The following MARCHF7 variants were observed in gnomAD, a reference collection of about 807,000 sequenced individuals.
MARCHF7 encodes the protein E3 ubiquitin-protein ligase MARCHF7.
In MARCHF7, 20 loss-of-function variants were observed where a neutral mutation model predicts 76.5. The ratio of observed to expected loss-of-function variants is 0.26; its 90% CI spans 0.18 to 0.38. MARCHF7 has a LOEUF of 0.38. Ranked by LOEUF, MARCHF7 falls within the 10% of genes least tolerant of loss-of-function variation. The pLI is 1.00. For missense variants in MARCHF7, 797 were observed against 812.9 expected (o/e 0.98, Z 0.24); for synonymous variants, 295 against 293.0 (o/e 1.01, Z -0.07).
At position 159,767,474 on chromosome 2, in the gene MARCHF7, CAT is replaced by C; in HGVS notation, c.*133_*134del. On this transcript the variant is annotated 3_prime_UTR_variant, in exon 12 of 12. Transcript: ENST00000409175. ...TATATAAAATGAATATATACATACA[CAT>C]GTATGCCTGTATATATATATTCATT... The C allele has an allele frequency of 1.7e-6, 1 of 580,592 alleles. No individual in the cohort carries two copies. The highest frequency in any genetic ancestry group is 1.9e-5 in the African/African-American group (1 of 52,052). The allele number at this position is 580,592 out of a possible 1,614,324, so 36.0% of individuals were successfully genotyped here.
intron 3 of MARCHF7, among the ~76,000 whole-genome samples, chr2:159,722,230 G>T (rs774975331): frequency 2.0e-5 from 3 of 151,882 alleles, no homozygotes; most frequent in Non-Finnish European, 2.9e-5. Flanking sequence ...TCCACCTCCC[G>T]GGCTTCAAGT....
In MARCHF7 at chr2:159,747,888, T is replaced by G; in HGVS notation, c.598T>G (p.Ser200Ala). The change falls in exon 7 of 12, where the codon TCC (serine) becomes GCC (alanine). Residue 200 changes from serine (S) to alanine (A), a missense_variant. Coordinates refer to ENST00000409175, the MANE Select transcript of MARCHF7 (RefSeq NM_001282805.2). ...GAGCACTTTACAGTTGAATACATCA[T>G]CCACAAACCACCAATTGCCTTCTGA... ...SMSTLQLNTS[S>A]TNHQLPSEHQ... 1 of 1,614,126 alleles carries G rather than the reference T, an allele frequency of 6.2e-7. No homozygotes were observed. Among genetic ancestry groups the G allele is most frequent in the Non-Finnish European group, 8.5e-7 (1 of 1,180,006 alleles).
At chr2:159,739,206 CA>C (rs1165755371) in intron 4 of MARCHF7, among the ~76,000 whole-genome samples, 1 of 152,230 alleles carries the variant, frequency 6.6e-6, no homozygotes, top group Admixed American at 6.5e-5. Flanking sequence ...CCCACCCCAC[CA>C]ACTTGGAAGT....
chr2:159,752,360 G>T (rs754480061), intron 7 of MARCHF7, 42 bp from the exon 8 acceptor site: 2 of 1,491,126 alleles, frequency 1.3e-6, no homozygotes, highest in Admixed American at 2.4e-5. Flanking sequence ...AACCAACCAG[G>T]ATGAGTTATG....
intron 9 of MARCHF7, 96 bp from the exon 10 acceptor site, chr2:159,762,784 C>T: frequency 3.7e-6 from 2 of 544,486 alleles, no homozygotes; most frequent in South Asian, 3.4e-5. Flanking sequence ...AATACATTTC[C>T]TCTAGTTTAT....
chr2:159,751,033 A>AT (rs1457346749), intron 7 of MARCHF7, among the ~76,000 whole-genome samples: 1 of 151,892 alleles, frequency 6.6e-6, no homozygotes, highest in East Asian at 1.9e-4. Context: ...TAAACTTGCT[A>AT]TTTTTCCTTT....
At chr2:159,743,720 T>C (rs1395138493) in intron 5 of MARCHF7, among the ~76,000 whole-genome samples, 1 of 126,328 alleles carries the variant, frequency 7.9e-6, no homozygotes, top group Non-Finnish European at 1.6e-5. Context: ...GACAACATAG[T>C]GAGACCCTGT....
In MARCHF7 at chr2:159,752,507, A is replaced by G. The variant is rs141395092; in HGVS notation, c.1719A>G (p.Thr573=). The G allele has an allele frequency of 1.2e-6, 2 of 1,603,050 alleles. No individual in the cohort carries two copies. The highest frequency in any genetic ancestry group is 1.7e-6 in the Non-Finnish European group (2 of 1,175,520). Residue 573 remains threonine (T), a synonymous_variant, in exon 8 of 12, where the codon ACA becomes ACG. Coordinates refer to ENST00000409175, the MANE Select transcript of MARCHF7 (RefSeq NM_001282805.2). The stretch of plus-strand genomic sequence containing the variant: ...TGCTGATAGAGCCATGCAAGTGCAC[A>G]GGAAGTTTGCAGTATGTCCACCAAG... The part of the protein sequence containing the change: ...SNLLIEPCKC[T]GSLQYVHQDC...
At chr2:159,742,936 C>CA (rs67868976) in intron 4 of MARCHF7, 125 bp from the exon 5 acceptor site, 15,465 of 754,704 alleles carry the variant, frequency 0.02, no homozygotes, top group East Asian at 0.026. Flanking sequence ...GACTCAGTCT[C>CA]AAAAAAAAAA....
intron 11 of MARCHF7, among the ~76,000 whole-genome samples, chr2:159,765,772 C>T (rs998838063): frequency 2.0e-5 from 3 of 152,006 alleles, no homozygotes; most frequent in Non-Finnish European, 4.4e-5. Context: ...GAGATGAAAC[C>T]AGGTAACATA....
intron 4 of MARCHF7, chr2:159,733,560 A>AT (rs927602119): frequency 2.0e-6 from 2 of 984,770 alleles, no homozygotes; most frequent in African/African-American, 3.5e-5. Context: ...AAAAAAAAAA[A>AT]AAAAAGATTG....
At position 159,764,260 on chromosome 2, in the gene MARCHF7, G is replaced by GCA. The variant is rs1560030979; in HGVS notation, c.2008-365_2008-364insAC. Among the ~76,000 whole-genome samples the GCA allele has an allele frequency of 2.7e-5, 4 of 147,628 alleles. No individual in the cohort carries two copies. In the East Asian group the frequency reaches 6.0e-4, roughly 22 times the overall value. The stretch of plus-strand genomic sequence containing the variant: ...TGTGTGTGTGTGTGTGTGTGTGCGC[G>GCA]CGCCCACTGAAACTGAATTTATTTG... On this transcript the variant is annotated intron_variant, in intron 10 of 11. Transcript: ENST00000409175.
chr2:159,726,048 C>T (rs1702121772), intron 3 of MARCHF7, among the ~76,000 whole-genome samples: 1 of 152,110 alleles, frequency 6.6e-6, no homozygotes, highest in African/African-American at 2.4e-5. Flanking sequence ...ATACTGACCC[C>T]ATGCCTAAAC....
chr2:159,761,524 C>T (rs1177618822), intron 9 of MARCHF7, among the ~76,000 whole-genome samples: 1 of 141,750 alleles, frequency 7.1e-6, no homozygotes, highest in Non-Finnish European at 1.5e-5. Context: ...AAGCGATTCT[C>T]CTGCCTCAGC....
At chr2:159,756,917 G>A (rs114388032) in intron 8 of MARCHF7, among the ~76,000 whole-genome samples, 9,555 of 140,728 alleles carry the variant, frequency 0.068, 389 homozygotes, top group Non-Finnish European at 0.097. Context: ...TTTTTGAGAC[G>A]GAGTCTTGTT....
chr2:159,717,834 CTATT>C (rs1407979070), intron 3 of MARCHF7, among the ~76,000 whole-genome samples: 1 of 151,962 alleles, frequency 6.6e-6, no homozygotes, highest in Admixed American at 6.6e-5. Context: ...ATAAAAATGG[CTATT>C]TCTTTCCAGT....
At chr2:159,756,494 C>G (rs62173034) in intron 8 of MARCHF7, among the ~76,000 whole-genome samples, 11,250 of 151,748 alleles carry the variant, frequency 0.074, 857 homozygotes, top group African/African-American at 0.19. Flanking sequence ...CAAGACCAGC[C>G]TGGCCAACAT....
chr2:159,725,873 A>C (rs934275615), intron 3 of MARCHF7, among the ~76,000 whole-genome samples: 1 of 152,188 alleles, frequency 6.6e-6, no homozygotes, highest in African/African-American at 2.4e-5. Context: ...GTGGAAGGCT[A>C]ACCTTTAAAG....
chr2:159,747,441 A>G (rs558617305), intron 6 of MARCHF7, among the ~76,000 whole-genome samples: 1 of 152,264 alleles, frequency 6.6e-6, no homozygotes, highest in South Asian at 2.1e-4. Flanking sequence ...TTTACATTGT[A>G]TTATTTGGCC....
Sources: allele counts gnomAD v4.1 joint callset (sites outside exome capture counted in the v4.1 genomes callset), GRCh38; gene constraint gnomAD v4.1.1; transcripts MANE v1.5; gene names NCBI Gene and HGNC (gene_info 2026-07-23, HGNC 2026-07-21).